The following ACSS3 variants were observed in gnomAD, a reference collection of about 807,000 sequenced individuals.
The protein encoded by ACSS3 is acyl-CoA synthetase short-chain family member 3, mitochondrial.
Under a neutral mutation model 84.2 loss-of-function variants are expected in ACSS3, and 64 were observed. The observed-to-expected ratio is 0.76, with a 90% confidence interval of 0.62 to 0.94. The LOEUF (loss-of-function observed/expected upper bound fraction) is 0.94. Among genes scored for constraint, ACSS3 ranks in the 40% least tolerant of loss-of-function variants. The pLI is 0.00. For missense variants in ACSS3, 815 were observed against 867.6 expected, an observed-to-expected ratio of 0.94 and a Z score of 0.76; for synonymous variants, 317 against 310.1, an observed-to-expected ratio of 1.02 and a Z score of -0.23.
intron 1 of ACSS3, among the ~76,000 whole-genome samples, chr12:81,101,477 A>G (rs879137693): frequency 3.3e-5 from 5 of 151,988 alleles, no homozygotes; most frequent in Admixed American, 2.6e-4. Flanking sequence ...TTTCTTAAGC[A>G]TTTTTCCATA....
intron 13 of ACSS3, among the ~76,000 whole-genome samples, chr12:81,244,028 C>A (rs976913822): frequency 2.0e-5 from 3 of 152,128 alleles, no homozygotes; most frequent in Admixed American, 1.3e-4. Flanking sequence ...CTACGGGCAA[C>A]ACATTACCTC....
chr12:81,079,682 A>G (rs1880849697), intron 1 of ACSS3, among the ~76,000 whole-genome samples: 1 of 152,176 alleles, frequency 6.6e-6, no homozygotes, highest in African/African-American at 2.4e-5. Flanking sequence ...AACAATGAGT[A>G]AAACCTAGTC....
At chr12:81,110,293 C>T (rs1045125721) in intron 2 of ACSS3, among the ~76,000 whole-genome samples, 1 of 152,132 alleles carries the variant, frequency 6.6e-6, no homozygotes, top group African/African-American at 2.4e-5. Flanking sequence ...CCCTAGATGT[C>T]TTGTTATTGC....
chr12:81,233,007 T>C (rs2033515236), intron 12 of ACSS3, among the ~76,000 whole-genome samples: 1 of 151,714 alleles, frequency 6.6e-6, no homozygotes, highest in East Asian at 1.9e-4. Context: ...AGAAGAAATG[T>C]ATCAAAGAAT....
chr12:81,127,435 T>A (rs764933707), intron 2 of ACSS3, among the ~76,000 whole-genome samples: 1 of 152,170 alleles, frequency 6.6e-6, no homozygotes, highest in Non-Finnish European at 1.5e-5. Flanking sequence ...ATTTTAATCT[T>A]TTCAATGGCT....
intron 7 of ACSS3, among the ~76,000 whole-genome samples, chr12:81,167,680 C>T (rs1304522021): frequency 6.6e-6 from 1 of 152,180 alleles, no homozygotes; most frequent in African/African-American, 2.4e-5. Flanking sequence ...GCAGAGCCCT[C>T]CTAACCTAAG....
At chr12:81,183,332 G>T (rs2031060567) in intron 8 of ACSS3, among the ~76,000 whole-genome samples, 1 of 152,094 alleles carries the variant, frequency 6.6e-6, no homozygotes, top group Non-Finnish European at 1.5e-5. Flanking sequence ...AAATGATAAA[G>T]AGAAAGGAAT....
At chr12:81,243,096 A>G (rs944487964) in intron 13 of ACSS3, among the ~76,000 whole-genome samples, 2 of 152,158 alleles carry the variant, frequency 1.3e-5, no homozygotes, top group African/African-American at 2.4e-5. Context: ...ACATGATTGT[A>G]TATCTAGAAA....
intron 2 of ACSS3, among the ~76,000 whole-genome samples, chr12:81,121,994 C>T (rs954448951): frequency 2.6e-5 from 4 of 151,432 alleles, no homozygotes; most frequent in African/African-American, 4.9e-5. Context: ...AGTGCAGTGG[C>T]GTGATCTTGG....
chr12:81,224,712 T>C (rs1317630267), intron 11 of ACSS3, among the ~76,000 whole-genome samples: 3 of 151,816 alleles, frequency 2.0e-5, no homozygotes, highest in Non-Finnish European at 4.4e-5. Flanking sequence ...AAATAAATAA[T>C]TCACCTTTTA....
At chr12:81,192,118 G>T (rs369764095) in intron 8 of ACSS3, among the ~76,000 whole-genome samples, 1 of 152,086 alleles carries the variant, frequency 6.6e-6, no homozygotes, top group East Asian at 1.9e-4. Flanking sequence ...GCGGTGGCTC[G>T]TGCCTGTAAT....
rs1881090095 is a variant in ACSS3, at chr12:81,083,105, T to C, written c.311+4674T>C. 2.6e-5 allele frequency among the ~76,000 whole-genome samples: 4 copies of C among 152,122 alleles called. No homozygotes were observed. The South Asian group carries it at 8.3e-4, about 32-fold the overall frequency. The stretch of plus-strand genomic sequence containing the variant: ...AAGCCAAGTGTCCTTAGAGGATAGT[T>C]ATAGTAGACCAGCTGGCTTTTAGTG... On this transcript the variant is annotated intron_variant, in intron 1 of 15. Transcript: ENST00000548058.
At chr12:81,107,319 A>T (rs1252630941) in intron 1 of ACSS3, among the ~76,000 whole-genome samples, 1 of 151,754 alleles carries the variant, frequency 6.6e-6, no homozygotes, top group Non-Finnish European at 1.5e-5. Context: ...TGACAAAGTA[A>T]ATTCTGTGGA....
rs200410076 is a variant in ACSS3, at chr12:81,107,552, A to G, written c.312-2008A>G. Among the ~76,000 whole-genome samples the G allele has an allele frequency of 5.2e-4, 54 of 103,372 alleles. No individual in the cohort carries two copies. The East Asian group carries it at 0.013, about 24-fold the overall frequency. The allele number at this position is 103,372 out of a possible 152,430, so 67.8% of individuals were successfully genotyped here. A position where few individuals can be genotyped will look rare whatever the true frequency, so the allele number is the denominator to read the frequency against. ...TATATATATATATATATATATATAT[A>G]TATATATAAATGTTTTTGTGGGAAA... On this transcript the variant is annotated intron_variant, in intron 1 of 15. Transcript: ENST00000548058.
At chr12:81,234,200 C>T (rs1349793090) in intron 13 of ACSS3, among the ~76,000 whole-genome samples, 1 of 151,302 alleles carries the variant, frequency 6.6e-6, no homozygotes, top group Non-Finnish European at 1.5e-5. Flanking sequence ...ATTTTAGATT[C>T]TTCCAAGTTG....
At chr12:81,094,422 A>G (rs1015780458) in intron 1 of ACSS3, 8 of 152,230 alleles carry the variant, frequency 5.3e-5, no homozygotes, top group African/African-American at 1.9e-4. Flanking sequence ...TTTTTATCAT[A>G]AGCAGTAAAA....
At chr12:81,225,353 A>T (rs11614103) in intron 11 of ACSS3, among the ~76,000 whole-genome samples, 20,141 of 151,966 alleles carry the variant, frequency 0.13, 1,712 homozygotes, top group East Asian at 0.37. Flanking sequence ...TTAGTGAGGA[A>T]CAGAAAGCAT....
intron 9 of ACSS3, among the ~76,000 whole-genome samples, chr12:81,215,856 T>C (rs111615694): frequency 4.6e-5 from 7 of 152,310 alleles, no homozygotes; most frequent in African/African-American, 1.7e-4. Flanking sequence ...AGGTAATAGC[T>C]AATATTCTGG....
chr12:81,242,184 T>G (rs1278899648), intron 13 of ACSS3, among the ~76,000 whole-genome samples: 2 of 151,970 alleles, frequency 1.3e-5, no homozygotes, highest in African/African-American at 4.8e-5. Flanking sequence ...ATATCACCAC[T>G]GATCCCACAG....
Sources: gnomAD v4.1 joint callset for allele counts (sites outside exome capture counted in the v4.1 genomes callset) on GRCh38, gnomAD v4.1.1 for gene constraint, MANE v1.5 for transcripts, NCBI Gene and HGNC (gene_info 2026-07-23, HGNC 2026-07-21) for gene names.